The following KDM6A variants were observed in gnomAD, a reference collection of about 807,000 sequenced individuals.
KDM6A encodes the protein lysine-specific demethylase 6A.
In KDM6A, 11 loss-of-function variants were observed where a neutral mutation model predicts 117.6. The ratio of observed to expected loss-of-function variants is 0.09; its 90% CI spans 0.06 to 0.15. KDM6A has a LOEUF of 0.15. KDM6A is among the 10% of genes least tolerant of loss of function. The pLI is 1.00. For missense variants in KDM6A, 799 were observed against 1,077.3 expected (o/e 0.74, Z 3.62); for synonymous variants, 384 against 396.1 (o/e 0.97, Z 0.36).
chrX:44,972,392 T>C, intron 3 of KDM6A, among the ~76,000 whole-genome samples: 1 of 108,474 alleles, frequency 9.2e-6, no homozygotes, highest in Non-Finnish European at 1.9e-5. Context: ...CTCTTGCCTT[T>C]CTTTCTTTTT....
chrX:45,072,551 A>G lies in KDM6A; in HGVS notation c.2858+2194A>G, dbSNP rs1238212501. 2.7e-5 allele frequency among the ~76,000 whole-genome samples: 3 copies of G among 110,781 alleles called. No individual in the cohort carries two copies. The East Asian group carries it at 8.5e-4, about 31-fold the overall frequency. ...TTAGACAGTGCCTTGATTCACTGCCAGTTTGACTGTCTTCTACCTGCTCCT... is the reference window on the plus strand; with the variant it reads ...TTAGACAGTGCCTTGATTCACTGCCGGTTTGACTGTCTTCTACCTGCTCCT... On this transcript the variant is annotated intron_variant, in intron 18 of 29. Coordinates refer to ENST00000611820, the MANE Select transcript of KDM6A (RefSeq NM_001291415.2).
chrX:44,973,459 CTT>C (rs1458095373), intron 3 of KDM6A, among the ~76,000 whole-genome samples: 2 of 111,682 alleles, frequency 1.8e-5, no homozygotes, highest in East Asian at 2.8e-4. Context: ...TCTTTGGAGA[CTT>C]TGCGTATCAG....
At chrX:45,034,041 C>A (rs2042710062) in intron 6 of KDM6A, among the ~76,000 whole-genome samples, 1 of 110,274 alleles carries the variant, frequency 9.1e-6, no homozygotes, top group Non-Finnish European at 1.9e-5. Context: ...ACTTTTAATG[C>A]TAAAAATTTG....
At chrX:44,939,550 T>C (rs2037170415) in intron 2 of KDM6A, among the ~76,000 whole-genome samples, 1 of 112,276 alleles carries the variant, frequency 8.9e-6, no homozygotes, top group Non-Finnish European at 1.9e-5. Flanking sequence ...ATTGTGGAAA[T>C]GACAACAAAG....
chrX:45,059,876 T>G, intron 12 of KDM6A, 146 bp from the exon 13 acceptor site: 2 of 866,241 alleles, frequency 2.3e-6, no homozygotes, highest in Non-Finnish European at 3.2e-6. Context: ...GGTTACCCTG[T>G]TTATACTTAG....
At chrX:44,964,450 GAA>G (rs565164399) in intron 3 of KDM6A, among the ~76,000 whole-genome samples, 6 of 54,214 alleles carry the variant, frequency 1.1e-4, no homozygotes, top group African/African-American at 2.3e-4. Flanking sequence ...CTCTGTCTCA[GAA>G]AAAAAAAAAA....
chrX:44,950,638 T>G (rs770444630), intron 2 of KDM6A, among the ~76,000 whole-genome samples: 4 of 110,886 alleles, frequency 3.6e-5, no homozygotes, highest in African/African-American at 1.3e-4. Context: ...TTAATTCATG[T>G]GGTTGCATGC....
chrX:45,062,545 A>G (rs754123990), intron 15 of KDM6A, 102 bp from the exon 16 acceptor site: 2 of 555,455 alleles, frequency 3.6e-6, no homozygotes, highest in East Asian at 7.4e-5. Context: ...TTGACCAGAT[A>G]GTGGTTCTGA....
At chrX:44,879,539 G>A (rs1023867853) in intron 2 of KDM6A, among the ~76,000 whole-genome samples, 5 of 111,940 alleles carry the variant, frequency 4.5e-5, no homozygotes, top group African/African-American at 3.2e-5. Flanking sequence ...GTAAATTATC[G>A]TGACAGTAAA....
chrX:45,104,088 G>A (rs750043643), intron 27 of KDM6A, among the ~76,000 whole-genome samples: 3 of 105,758 alleles, frequency 2.8e-5, no homozygotes, highest in Admixed American at 1.0e-4. Flanking sequence ...GCAATGGTGC[G>A]ATCTCGTCTC....
In KDM6A at chrX:45,082,890, A is replaced by AT. The variant is rs753724310; in HGVS notation, c.3440+109dup. ...TTCCTCTTCTGTTTCATTTATTGTC[A>AT]TTTTTTTTAAGTTGACATGAATTTA... On this transcript the variant is annotated intron_variant, in intron 23 of 29. Transcript: ENST00000611820. 6.7e-5 allele frequency: 37 copies of AT among 554,307 alleles called. No individual in the cohort carries two copies. In the Middle Eastern group the frequency reaches 2.1e-3, roughly 32 times the overall value. 45.7% of individuals were successfully genotyped at this position (554,307 alleles called of 1,213,427 possible).
chrX:44,899,004 G>GGTGTGTGTGTGTGTGTGTGTGTGT (rs745714866), intron 2 of KDM6A, among the ~76,000 whole-genome samples: 28 of 79,653 alleles, frequency 3.5e-4, no homozygotes, highest in East Asian at 1.3e-3. Flanking sequence ...GGAGAGGGAG[G>GGTGTGTGTGTGTGTGTGTGTGTGT]GTGTGTGTGT....
At chrX:44,888,812 C>T (rs1226578668) in intron 2 of KDM6A, among the ~76,000 whole-genome samples, 1 of 111,375 alleles carries the variant, frequency 9.0e-6, no homozygotes, top group Non-Finnish European at 1.9e-5. Context: ...ACTGTATATT[C>T]CTGCTTGCTA....
chrX:44,912,660 G>A (rs1004630701), intron 2 of KDM6A, among the ~76,000 whole-genome samples: 1 of 111,815 alleles, frequency 8.9e-6, no homozygotes, highest in Non-Finnish European at 1.9e-5. Flanking sequence ...TTGTGGAAAG[G>A]ACTGTTGAGA....
At chrX:45,099,454 GTTCTACATTCTGGATT>G (rs1441612400) in intron 27 of KDM6A, among the ~76,000 whole-genome samples, 2 of 110,446 alleles carry the variant, frequency 1.8e-5, no homozygotes, top group African/African-American at 6.6e-5. Context: ...GTTGTGCAGA[GTTCTACATTCTGGATT>G]TGTTTTCTCA....
At chrX:44,881,160 C>T (rs931270901) in intron 2 of KDM6A, among the ~76,000 whole-genome samples, 1 of 112,828 alleles carries the variant, frequency 8.9e-6, no homozygotes, top group African/African-American at 3.2e-5. Context: ...CTGGGCCGGG[C>T]GCGGTGGCGC....
At chrX:45,056,211 A>G (rs1045225580) in intron 10 of KDM6A, among the ~76,000 whole-genome samples, 1 of 111,685 alleles carries the variant, frequency 9.0e-6, no homozygotes, top group Non-Finnish European at 1.9e-5. Flanking sequence ...TAAAATTCTA[A>G]ATCTTTTAGA....
At chrX:44,950,678 A>G (rs1210031139) in intron 2 of KDM6A, among the ~76,000 whole-genome samples, 1 of 110,595 alleles carries the variant, frequency 9.0e-6, no homozygotes, top group Non-Finnish European at 1.9e-5. Context: ...GTTAGTAGTA[A>G]ACTAGCAACT....
At chrX:45,020,187 C>T (rs915406879) in intron 5 of KDM6A, among the ~76,000 whole-genome samples, 3 of 111,517 alleles carry the variant, frequency 2.7e-5, no homozygotes, top group Admixed American at 1.9e-4. Flanking sequence ...AAAATGTAAA[C>T]TTTTAGAAAG....
Sources: gnomAD v4.1 joint callset for allele counts (sites outside exome capture counted in the v4.1 genomes callset) on GRCh38, gnomAD v4.1.1 for gene constraint, MANE v1.5 for transcripts, NCBI Gene and HGNC (gene_info 2026-07-23, HGNC 2026-07-21) for gene names.